The following SLC39A11 variants were observed in gnomAD, a reference collection of about 807,000 sequenced individuals.
SLC39A11 encodes the protein solute carrier family 39 member 11, also known as zinc transporter ZIP11.
SLC39A11 carries 33 observed loss-of-function variants against 36.1 expected under a neutral mutation model. The observed-to-expected ratio is 0.91, with a 90% CI of 0.69 to 1.22. The LOEUF (loss-of-function observed/expected upper bound fraction) is 1.22, where lower values mean the gene tolerates loss of function less well. Among genes scored for constraint, SLC39A11 ranks in the 50% most tolerant of loss-of-function variants. The pLI is 0.00. For missense variants in SLC39A11, 432 were observed against 430.3 expected (o/e 1.00, Z -0.03); for synonymous variants, 166 against 170.3 (o/e 0.97, Z 0.20).
At chr17:72,978,278 C>G (rs1252362763) in intron 4 of SLC39A11, among the ~76,000 whole-genome samples, 1 of 152,140 alleles carries the variant, frequency 6.6e-6, no homozygotes, top group South Asian at 2.1e-4. Context: ...CAGATATTTA[C>G]CGAGCATTGT....
intron 7 of SLC39A11, 84 bp downstream of exon 7, chr17:72,736,566 C>T: frequency 8.3e-7 from 1 of 1,209,600 alleles, no homozygotes; most frequent in Non-Finnish European, 1.2e-6. Context: ...CAATAATGCA[C>T]AGACAGCCCA....
chr17:73,042,546 A>T (rs960547493), intron 3 of SLC39A11, among the ~76,000 whole-genome samples: 1 of 152,216 alleles, frequency 6.6e-6, no homozygotes, highest in Non-Finnish European at 1.5e-5. Context: ...CACGCCTGTA[A>T]TCCCAGTACT....
At chr17:72,782,567 T>C (rs1275976645) in intron 6 of SLC39A11, among the ~76,000 whole-genome samples, 1 of 151,664 alleles carries the variant, frequency 6.6e-6, no homozygotes, top group East Asian at 1.9e-4. Context: ...CGTACAGTTA[T>C]AATCCCGGTT....
intron 6 of SLC39A11, among the ~76,000 whole-genome samples, chr17:72,807,025 TAA>T (rs936847623): frequency 1.3e-5 from 2 of 152,230 alleles, no homozygotes; most frequent in Admixed American, 6.5e-5. Flanking sequence ...ATTCTATTTT[TAA>T]GAGATTTCCT....
chr17:72,861,648 T>G (rs2079994509), intron 5 of SLC39A11, among the ~76,000 whole-genome samples: 1 of 94,754 alleles, frequency 1.1e-5, no homozygotes, highest in African/African-American at 4.5e-5. Context: ...ACCATCTATA[T>G]ACAACACATT....
intron 4 of SLC39A11, among the ~76,000 whole-genome samples, chr17:73,031,118 C>T (rs780356061): frequency 1.3e-5 from 2 of 152,146 alleles, no homozygotes; most frequent in Non-Finnish European, 2.9e-5. Flanking sequence ...TGCACAGAGC[C>T]CTGCCTCACC....
At chr17:72,650,675 C>T (rs4793469) in intron 7 of SLC39A11, among the ~76,000 whole-genome samples, 20,230 of 152,158 alleles carry the variant, frequency 0.13, 1,646 homozygotes, top group Non-Finnish European at 0.18. Context: ...TGGTGTGTGG[C>T]CCGAGGGAAT....
intron 7 of SLC39A11, among the ~76,000 whole-genome samples, chr17:72,713,230 G>C (rs2073190566): frequency 6.6e-6 from 1 of 152,182 alleles, no homozygotes; most frequent in Non-Finnish European, 1.5e-5. Flanking sequence ...TCGGCTGAAA[G>C]ATTAGGAGCC....
chr17:72,926,391 A>G (rs572161297), intron 5 of SLC39A11, among the ~76,000 whole-genome samples: 1 of 152,312 alleles, frequency 6.6e-6, no homozygotes, highest in South Asian at 2.1e-4. Flanking sequence ...ACATGAGAAA[A>G]TGTCTGAAAA....
intron 5 of SLC39A11, among the ~76,000 whole-genome samples, chr17:72,876,320 C>T (rs1043682485): frequency 2.6e-5 from 4 of 152,154 alleles, no homozygotes; most frequent in African/African-American, 7.2e-5. Context: ...TATCCCCTGG[C>T]CCCAAAGCCA....
intron 6 of SLC39A11, among the ~76,000 whole-genome samples, chr17:72,809,616 T>A (rs1306967039): frequency 6.6e-6 from 1 of 152,164 alleles, no homozygotes; most frequent in Non-Finnish European, 1.5e-5. Flanking sequence ...GGAGTAACAG[T>A]ATGGCATTAA....
At position 73,088,304 on chromosome 17, in the gene SLC39A11, AG is replaced by A. The variant is rs201841802; in HGVS notation, c.108+352del. Among the ~76,000 whole-genome samples the A allele has an allele frequency of 1.0e-4, 15 of 148,124 alleles. 2 individuals are homozygous for A. The highest frequency in any genetic ancestry group is 1.2e-4 in the Non-Finnish European group (8 of 67,512). On this transcript the variant is annotated intron_variant, in intron 2 of 9. Coordinates refer to ENST00000255559, the MANE Select transcript of SLC39A11 (RefSeq NM_139177.4). ...GCAAGATTCTGTCTCAAAAAAAAAA[AG>A]AAAAAAGAAAAAAGAAAAGAAATTA...
At chr17:72,866,100 G>T (rs781772529) in intron 5 of SLC39A11, among the ~76,000 whole-genome samples, 2 of 152,194 alleles carry the variant, frequency 1.3e-5, no homozygotes, top group Non-Finnish European at 2.9e-5. Flanking sequence ...GTGAGCGGCA[G>T]GCAAGCAGTT....
At chr17:72,944,061 C>CGTCA (rs2085276711) in intron 5 of SLC39A11, among the ~76,000 whole-genome samples, 1 of 152,126 alleles carries the variant, frequency 6.6e-6, no homozygotes, top group South Asian at 2.1e-4. Context: ...TGCCTCCTAA[C>CGTCA]GTCACCTCAT....
At chr17:72,832,388 TA>T (rs1198715866) in intron 6 of SLC39A11, among the ~76,000 whole-genome samples, 5 of 152,226 alleles carry the variant, frequency 3.3e-5, no homozygotes, top group Non-Finnish European at 5.9e-5. Flanking sequence ...GAGAACAACC[TA>T]TTTTTTTCTA....
At chr17:72,674,620 A>G (rs2071172841) in intron 7 of SLC39A11, among the ~76,000 whole-genome samples, 1 of 152,184 alleles carries the variant, frequency 6.6e-6, no homozygotes, top group Non-Finnish European at 1.5e-5. Flanking sequence ...ATATTGCCAA[A>G]TTTCTCTCCA....
At chr17:72,962,456 C>G (rs1598614144) in intron 4 of SLC39A11, among the ~76,000 whole-genome samples, 2 of 152,178 alleles carry the variant, frequency 1.3e-5, no homozygotes, top group South Asian at 4.1e-4. Context: ...AAGAAGGATT[C>G]AGGTCCCTAT....
chr17:73,010,486 C>A (rs887161118), intron 4 of SLC39A11, among the ~76,000 whole-genome samples: 4 of 152,152 alleles, frequency 2.6e-5, no homozygotes, highest in Non-Finnish European at 5.9e-5. Context: ...GGCTGAACGT[C>A]AGAGTCCTTA....
intron 7 of SLC39A11, among the ~76,000 whole-genome samples, chr17:72,704,561 T>A (rs565932722): frequency 6.6e-6 from 1 of 152,326 alleles, no homozygotes; most frequent in South Asian, 2.1e-4. Context: ...GGCCCTGAAT[T>A]TTATGGTAGA....
Sources: gnomAD v4.1 joint callset for allele counts (sites outside exome capture counted in the v4.1 genomes callset) on GRCh38, gnomAD v4.1.1 for gene constraint, MANE v1.5 for transcripts, NCBI Gene and HGNC (gene_info 2026-07-23, HGNC 2026-07-21) for gene names.